Variants in NALF1 observed in about 807,000 individuals in gnomAD.
NALF1 encodes the protein family with sequence similarity 155 member A.
NALF1 carries 3 observed loss-of-function variants against 48.4 expected under a neutral mutation model. The ratio of observed to expected loss-of-function variants is 0.06; its 90% CI spans 0.03 to 0.16. NALF1 has a LOEUF of 0.16. NALF1 is among the 10% of genes least tolerant of loss of function. The probability of loss-of-function intolerance (pLI) is 1.00; values close to 1 mark genes in which losing one functional copy is unlikely to be tolerated. For missense variants in NALF1, 526 were observed against 571.5 expected (o/e 0.92, Z 0.81); for synonymous variants, 262 against 245.7 (o/e 1.07, Z -0.62).
intron 1 of NALF1, among the ~76,000 whole-genome samples, chr13:107,327,603 T>A (rs1460681112): frequency 1.3e-5 from 2 of 149,490 alleles, no homozygotes; most frequent in Non-Finnish European, 3.0e-5. Flanking sequence ...TTCAGCTTGA[T>A]GAAACATGAT....
At chr13:107,542,226 A>C (rs1270322505) in intron 1 of NALF1, among the ~76,000 whole-genome samples, 1 of 152,170 alleles carries the variant, frequency 6.6e-6, no homozygotes, top group Non-Finnish European at 1.5e-5. Context: ...AAGAAACAAG[A>C]CACAATAAAC....
intron 1 of NALF1, among the ~76,000 whole-genome samples, chr13:107,285,072 T>C (rs753456489): frequency 6.6e-6 from 1 of 152,216 alleles, no homozygotes; most frequent in African/African-American, 2.4e-5. Context: ...ATAGATTCAA[T>C]GATTAGGACC....
chr13:107,534,948 C>G (rs1472067054), intron 1 of NALF1, among the ~76,000 whole-genome samples: 1 of 152,076 alleles, frequency 6.6e-6, no homozygotes, highest in East Asian at 1.9e-4. Context: ...TGCCTCAAAG[C>G]TTTTAAGCAT....
At chr13:107,354,365 A>T (rs1012761221) in intron 1 of NALF1, among the ~76,000 whole-genome samples, 1 of 152,064 alleles carries the variant, frequency 6.6e-6, no homozygotes, top group African/African-American at 2.4e-5. Context: ...GGTATGGTGG[A>T]GAGAGAGGAG....
chr13:107,329,873 A>C (rs1882436480), intron 1 of NALF1, among the ~76,000 whole-genome samples: 1 of 152,130 alleles, frequency 6.6e-6, no homozygotes, highest in African/African-American at 2.4e-5. Context: ...TTTCCAGAGA[A>C]AGAAATTGTC....
chr13:107,265,789 C>T (rs1443112141), intron 1 of NALF1, among the ~76,000 whole-genome samples: 1 of 151,814 alleles, frequency 6.6e-6, no homozygotes, highest in Non-Finnish European at 1.5e-5. Context: ...GTAATTTTAC[C>T]CATGTAATTA....
chr13:107,457,479 C>A (rs1884842939), intron 1 of NALF1, among the ~76,000 whole-genome samples: 1 of 152,114 alleles, frequency 6.6e-6, no homozygotes, highest in Non-Finnish European at 1.5e-5. Flanking sequence ...GTAGCAAGCA[C>A]AGGAGAAGCA....
intron 1 of NALF1, among the ~76,000 whole-genome samples, chr13:107,712,912 A>C (rs1296595248): frequency 6.6e-6 from 1 of 152,214 alleles, no homozygotes; most frequent in Non-Finnish European, 1.5e-5. Flanking sequence ...AGGAAAATAG[A>C]CACTGAGTCT....
At chr13:107,180,244 A>C (rs1879033896) in intron 2 of NALF1, among the ~76,000 whole-genome samples, 1 of 151,980 alleles carries the variant, frequency 6.6e-6, no homozygotes, top group African/African-American at 2.4e-5. Flanking sequence ...AGCTCAAAAC[A>C]ATTATTCAAG....
intron 1 of NALF1, among the ~76,000 whole-genome samples, chr13:107,229,957 T>C (rs529453370): frequency 2.6e-4 from 39 of 152,280 alleles, no homozygotes; most frequent in African/African-American, 8.7e-4. Flanking sequence ...CATTCTGCGA[T>C]GGAAGATTGG....
intron 1 of NALF1, among the ~76,000 whole-genome samples, chr13:107,670,916 C>T (rs182108250): frequency 1.3e-5 from 2 of 152,236 alleles, no homozygotes; most frequent in Admixed American, 1.3e-4. Context: ...ATTCCATTGT[C>T]TAGCCTCTTC....
In NALF1 at chr13:107,867,169, C is replaced by T. The variant is rs1880763894; in HGVS notation, c.-573G>A. On this transcript the variant is annotated 5_prime_UTR_variant, in exon 1 of 3. Coordinates refer to ENST00000375915, the MANE Select transcript of NALF1 (RefSeq NM_001080396.3). The surrounding 1 kb of genome is among the most constrained non-coding windows in gnomAD (Gnocchi z 4.4). ...TCTTCTTCTCCTCCTCTTCCTCCTC[C>T]TTCCTTTCCTTCTCCTTCTTCTTCT... Among the ~76,000 whole-genome samples, 1 of 151,890 alleles carries T rather than the reference C, an allele frequency of 6.6e-6. No individual in the cohort carries two copies.
intron 1 of NALF1, among the ~76,000 whole-genome samples, chr13:107,846,550 A>G (rs1880176875): frequency 6.6e-6 from 1 of 152,202 alleles, no homozygotes. Flanking sequence ...ATCTTACTTT[A>G]AAGTAAATGT....
At chr13:107,217,844 C>T (rs931923796) in intron 1 of NALF1, among the ~76,000 whole-genome samples, 4 of 152,192 alleles carry the variant, frequency 2.6e-5, no homozygotes, top group African/African-American at 9.7e-5. Flanking sequence ...GGAGCCTACC[C>T]TTGTGCCTTC....
chr13:107,667,609 T>G (rs956376017), intron 1 of NALF1, among the ~76,000 whole-genome samples: 1 of 152,124 alleles, frequency 6.6e-6, no homozygotes, highest in East Asian at 1.9e-4. Context: ...TGAAGGAAAG[T>G]GCAGTGTTAA....
At chr13:107,380,739 G>A (rs972262414) in intron 1 of NALF1, among the ~76,000 whole-genome samples, 1 of 152,098 alleles carries the variant, frequency 6.6e-6, no homozygotes, top group South Asian at 2.1e-4. Flanking sequence ...AGCACTTTGG[G>A]AGGCTGAGGC....
chr13:107,354,896 T>C (rs896309418), intron 1 of NALF1, among the ~76,000 whole-genome samples: 13 of 152,188 alleles, frequency 8.5e-5, no homozygotes, highest in African/African-American at 3.1e-4. Flanking sequence ...GAAAGAAGAT[T>C]CCGGAGAGTA....
intron 1 of NALF1, among the ~76,000 whole-genome samples, chr13:107,845,623 GT>G (rs745907209): frequency 1.3e-5 from 2 of 152,114 alleles, no homozygotes; most frequent in Non-Finnish European, 2.9e-5. Flanking sequence ...TGAAACCATA[GT>G]CATATAGAGA....
In NALF1 at chr13:107,543,676, T is replaced by C. The variant is rs1013409708; in HGVS notation, c.915+322006A>G. Among the ~76,000 whole-genome samples the C allele has an allele frequency of 5.9e-5, 9 of 152,116 alleles. 1 individual carries two copies. The highest frequency in any genetic ancestry group is 3.4e-3 in the Middle Eastern group (1 of 294). On this transcript the variant is annotated intron_variant, in intron 1 of 2. Coordinates refer to ENST00000375915, the MANE Select transcript of NALF1 (RefSeq NM_001080396.3). The stretch of plus-strand genomic sequence containing the variant: ...CGGTCTGCATATAGATGTGTGGGTA[T>C]ATATATACGCGTATATACACGTATA...
Sources: allele counts gnomAD v4.1 joint callset (sites outside exome capture counted in the v4.1 genomes callset), GRCh38; gene constraint gnomAD v4.1.1; non-coding constraint Gnocchi (gnomAD v3.1); transcripts MANE v1.5; gene names NCBI Gene and HGNC (gene_info 2026-07-23, HGNC 2026-07-21).